Variants in TOX3 observed in about 807,000 individuals in gnomAD.
TOX3 encodes TOX high mobility group box family member 3.
A neutral mutation model predicts 64.3 loss-of-function variants in TOX3; 22 were observed. That is an observed-to-expected ratio of 0.34 (90% CI 0.24 to 0.49). The LOEUF (loss-of-function observed/expected upper bound fraction) is 0.49. Ranked by LOEUF, TOX3 falls within the 20% of genes least tolerant of loss-of-function variation. The pLI is 0.99. For synonymous variants in TOX3, 291 were observed against 273.6 expected, an observed-to-expected ratio of 1.06 and a Z score of -0.63; for missense variants, 661 against 714.4, an observed-to-expected ratio of 0.93 and a Z score of 0.85.
intron 1 of TOX3, among the ~76,000 whole-genome samples, chr16:52,527,044 A>C (rs1190639766): frequency 6.6e-6 from 1 of 152,012 alleles, no homozygotes; most frequent in Non-Finnish European, 1.5e-5. Flanking sequence ...CAGTTAGGAA[A>C]GACAAAACTG....
intron 1 of TOX3, among the ~76,000 whole-genome samples, 193 bp from the exon 2 acceptor site, chr16:52,468,767 A>G (rs1238058362): frequency 6.6e-6 from 1 of 152,232 alleles, no homozygotes; most frequent in Admixed American, 6.5e-5. Context: ...AGCTAACTCA[A>G]TAATTCTATA....
In TOX3 at chr16:52,436,466, G is replaced by A. The variant is rs550328442; in HGVS notation, c.*2759C>T. On this transcript the variant is annotated 3_prime_UTR_variant, in exon 7 of 7. Transcript: ENST00000219746. ...TCTGACCTGTAACAAAAGAAAAAGC[G>A]CACCAAGTACTTACTTAAGTCTCAG... Among the ~76,000 whole-genome samples the A allele has an allele frequency of 3.9e-5, 6 of 152,024 alleles. No individual in the cohort carries two copies. Among genetic ancestry groups the A allele is most frequent in the Admixed American group, 1.3e-4 (2 of 15,284 alleles).
chr16:52,542,425 T>C (rs1963093796), intron 1 of TOX3, among the ~76,000 whole-genome samples: 3 of 152,224 alleles, frequency 2.0e-5, no homozygotes, highest in Admixed American at 1.3e-4. Context: ...TGATTTTAAT[T>C]ATTTTTTGTT....
chr16:52,484,316 G>T (rs1325007542), intron 1 of TOX3, among the ~76,000 whole-genome samples: 1 of 152,088 alleles, frequency 6.6e-6, no homozygotes, highest in Non-Finnish European at 1.5e-5. Context: ...AATAGTCATG[G>T]TATAACAGAA....
At chr16:52,488,386 T>C (rs909586934) in intron 1 of TOX3, among the ~76,000 whole-genome samples, 1 of 152,160 alleles carries the variant, frequency 6.6e-6, no homozygotes, top group Non-Finnish European at 1.5e-5. Context: ...ACAGCTTGTG[T>C]TGATAATGGT....
At chr16:52,480,477 C>T (rs1303784975) in intron 1 of TOX3, among the ~76,000 whole-genome samples, 2 of 152,130 alleles carry the variant, frequency 1.3e-5, no homozygotes, top group Non-Finnish European at 2.9e-5. Context: ...CTGGACACCC[C>T]GAGTAAGTCT....
chr16:52,545,318 C>G (rs1215240555), intron 1 of TOX3, among the ~76,000 whole-genome samples: 1 of 152,116 alleles, frequency 6.6e-6, no homozygotes, highest in Non-Finnish European at 1.5e-5. Flanking sequence ...TTTGGGAGGC[C>G]CCTCTGTGCC....
intron 4 of TOX3, 95 bp from the exon 5 acceptor site, chr16:52,446,316 GT>G: frequency 7.6e-7 from 1 of 1,310,522 alleles, no homozygotes; most frequent in Non-Finnish European, 1.0e-6. Flanking sequence ...TGAAGGTTTT[GT>G]TAGGCATCAT....
chr16:52,510,670 C>G (rs575821199), intron 1 of TOX3, among the ~76,000 whole-genome samples: 1 of 145,564 alleles, frequency 6.9e-6, no homozygotes, highest in Non-Finnish European at 1.5e-5. Flanking sequence ...GCAGGAGAAC[C>G]GCTTGAACCT....
chr16:52,527,332 C>T (rs1195965963), intron 1 of TOX3, among the ~76,000 whole-genome samples: 1 of 152,078 alleles, frequency 6.6e-6, no homozygotes, highest in Non-Finnish European at 1.5e-5. Context: ...TTAATATCAT[C>T]GTTGCACAGA....
chr16:52,506,465 G>A (rs189975797), intron 1 of TOX3, among the ~76,000 whole-genome samples: 9 of 152,232 alleles, frequency 5.9e-5, no homozygotes, highest in Admixed American at 2.6e-4. Context: ...AGATTGGATT[G>A]GAGACAGATT....
At chr16:52,442,505 T>G (rs1960029528) in intron 6 of TOX3, among the ~76,000 whole-genome samples, 1 of 152,200 alleles carries the variant, frequency 6.6e-6, no homozygotes, top group Admixed American at 6.5e-5. Flanking sequence ...ATGATGTGAT[T>G]TTCAGTCCTC....
At chr16:52,462,429 T>A (rs1960718751) in intron 3 of TOX3, among the ~76,000 whole-genome samples, 1 of 152,152 alleles carries the variant, frequency 6.6e-6, no homozygotes, top group Non-Finnish European at 1.5e-5. Flanking sequence ...TACACTTTTT[T>A]ATGGCAGCAA....
chr16:52,494,028 C>T (rs1374415502), intron 1 of TOX3, among the ~76,000 whole-genome samples: 1 of 152,170 alleles, frequency 6.6e-6, no homozygotes, highest in African/African-American at 2.4e-5. Context: ...CCCTATAACC[C>T]TTTCACCCAC....
At position 52,447,212 on chromosome 16, in the gene TOX3, A is replaced by G. The variant is rs1026308683; in HGVS notation, c.679-991T>C. 2.0e-5 allele frequency among the ~76,000 whole-genome samples: 3 copies of G among 152,212 alleles called. No individual in the cohort carries two copies. In the East Asian group the frequency reaches 5.8e-4, roughly 29 times the overall value. On this transcript the variant is annotated intron_variant, in intron 4 of 6. Transcript: ENST00000219746. ...CCTTGTTTTATTCCCCTAGATTACAATATCGAAGATAATTTTGCAGTTAAC... is the reference window on the plus strand; with the variant it reads ...CCTTGTTTTATTCCCCTAGATTACAGTATCGAAGATAATTTTGCAGTTAAC...
intron 1 of TOX3, among the ~76,000 whole-genome samples, chr16:52,528,580 C>T (rs897476183): frequency 2.6e-5 from 4 of 152,054 alleles, no homozygotes; most frequent in African/African-American, 9.7e-5. Context: ...TCTCTCGCAC[C>T]GTGCCAGCCG....
At position 52,437,195 on chromosome 16, in the gene TOX3, A is replaced by G. The variant is rs2151734765; in HGVS notation, c.*2030T>C. 1 of 152,344 alleles carries G rather than the reference A, an allele frequency of 6.6e-6. No homozygotes were observed. The highest frequency in any genetic ancestry group is 2.4e-5 in the African/African-American group (1 of 41,588). 9.4% of individuals were successfully genotyped at this position (152,344 alleles called of 1,614,324 possible). On this transcript the variant is annotated 3_prime_UTR_variant, in exon 7 of 7. Coordinates refer to ENST00000219746, the MANE Select transcript of TOX3 (RefSeq NM_001080430.4). Reference sequence around the variant, plus strand: ...AGACATAAATTTTTCTACAGCAAGAAATCCATAAATTTATAATTAGAATCT... The same window carrying G: ...AGACATAAATTTTTCTACAGCAAGAGATCCATAAATTTATAATTAGAATCT...
intron 1 of TOX3, among the ~76,000 whole-genome samples, chr16:52,510,166 A>G (rs7190749): frequency 0.61 from 91,778 of 150,594 alleles, 30,520 homozygotes; most frequent in African/African-American, 0.89. Context: ...AAAAAATGCC[A>G]CTACTTACAA....
At chr16:52,492,123 A>G (rs1265716378) in intron 1 of TOX3, among the ~76,000 whole-genome samples, 1 of 151,686 alleles carries the variant, frequency 6.6e-6, no homozygotes, top group Admixed American at 6.6e-5. Context: ...GGGTCTGTAC[A>G]ATGAATTCTA....
Sources: allele counts gnomAD v4.1 joint callset (sites outside exome capture counted in the v4.1 genomes callset), GRCh38; gene constraint gnomAD v4.1.1; transcripts MANE v1.5; gene names NCBI Gene and HGNC (gene_info 2026-07-23, HGNC 2026-07-21).